DEUP1: variants seen among roughly 807,000 people sequenced by gnomAD.
DEUP1 encodes coiled-coil domain containing 67.
In DEUP1, 82 loss-of-function variants were observed where a neutral mutation model predicts 87.4. That is an observed-to-expected ratio of 0.94 (90% CI 0.78 to 1.13). DEUP1 has a LOEUF of 1.13. Ranked by LOEUF, DEUP1 falls within the 50% of genes most tolerant of loss-of-function variation. The probability of loss-of-function intolerance (pLI) is 0.00; values close to 1 mark genes in which losing one functional copy is unlikely to be tolerated. For synonymous variants in DEUP1, 214 were observed against 222.7 expected (o/e 0.96, Z 0.35); for missense variants, 663 against 681.5 (o/e 0.97, Z 0.30).
At chr11:93,364,125 A>G in intron 4 of DEUP1, 35 bp from the exon 5 acceptor site, 1 of 1,422,456 alleles carries the variant, frequency 7.0e-7, no homozygotes, top group Non-Finnish European at 9.7e-7. Flanking sequence ...AATAATTGGT[A>G]ATAGTAAAAT....
intron 7 of DEUP1, among the ~76,000 whole-genome samples, chr11:93,372,974 G>T (rs1423854705): frequency 6.6e-6 from 1 of 152,178 alleles, no homozygotes; most frequent in Non-Finnish European, 1.5e-5. Flanking sequence ...ATGCAGTGAT[G>T]GGGTCTTTCC....
In DEUP1 at chr11:93,355,507, A is replaced by G; in HGVS notation, c.166A>G (p.Asn56Asp). 2 of 1,613,836 alleles carry G rather than the reference A, an allele frequency of 1.2e-6. No individual in the cohort carries two copies. Among genetic ancestry groups the G allele is most frequent in the Non-Finnish European group, 1.7e-6 (2 of 1,179,802 alleles). ...RLDLRDQELA[N>D]AQTCLDQKGQ... The stretch of plus-strand genomic sequence containing the variant: ...AGATCTTCGGGATCAAGAATTGGCA[A>G]ATGCACAAACTTGTTTGGATCAGAA... Residue 56 changes from asparagine (N) to aspartate (D), a missense_variant, in exon 3 of 14, where the codon AAT becomes GAT. Asn to Asp is a conservative substitution (Grantham distance 23). Transcript: ENST00000298050.
chr11:93,428,313 G>C (rs1236136952), intron 13 of DEUP1, among the ~76,000 whole-genome samples: 2 of 152,044 alleles, frequency 1.3e-5, no homozygotes, highest in African/African-American at 2.4e-5. Flanking sequence ...GATGAAACTG[G>C]AAACCATCAT....
chr11:93,396,098 A>T (rs1946936403), intron 10 of DEUP1, 141 bp from the exon 11 acceptor site: 3 of 633,986 alleles, frequency 4.7e-6, no homozygotes, highest in Non-Finnish European at 2.8e-6. Flanking sequence ...AAATAAGAAT[A>T]CCTGAATGTT....
intron 5 of DEUP1, among the ~76,000 whole-genome samples, chr11:93,367,091 C>T (rs913724396): frequency 6.6e-6 from 1 of 152,108 alleles, no homozygotes; most frequent in Non-Finnish European, 1.5e-5. Context: ...CTCCATTTAT[C>T]ATAGTAAATA....
rs920603118 is a variant in DEUP1 at position 93,385,267 on chromosome 11, C to T, written c.790-131C>T. On this transcript the variant is annotated intron_variant, in intron 7 of 13. Coordinates refer to ENST00000298050, the MANE Select transcript of DEUP1 (RefSeq NM_181645.4). ...AATGAAGGAATGGAATTCTATGAGA[C>T]AGAACAAGCAAAGGACTAAATATCA... 2.6e-5 allele frequency: 21 copies of T among 820,756 alleles called. No individual in the cohort carries two copies. The Admixed American group carries it at 3.9e-4, about 15-fold the overall frequency. 50.8% of individuals were successfully genotyped at this position (820,756 alleles called of 1,614,324 possible). A position where few individuals can be genotyped will look rare whatever the true frequency, so the allele number is the denominator to read the frequency against.
intron 11 of DEUP1, among the ~76,000 whole-genome samples, chr11:93,405,577 C>T (rs1019574550): frequency 6.6e-6 from 1 of 151,942 alleles, no homozygotes; most frequent in East Asian, 1.9e-4. Flanking sequence ...ATTTACTAAA[C>T]CTCCATAATA....
Position 93,405,971 on chromosome 11 carries a change from A to G in DEUP1, c.1327-2260A>G, listed in dbSNP as rs539161125. Among the ~76,000 whole-genome samples, 24 of 152,102 alleles carry G rather than the reference A, an allele frequency of 1.6e-4. 1 individual carries two copies. In the South Asian group the frequency reaches 3.9e-3, roughly 25 times the overall value. On this transcript the variant is annotated intron_variant, in intron 11 of 13. Transcript: ENST00000298050. ...GAACTATTGTTTAAACAGCAGCTAC[A>G]CAACTCACGTATATTCGAATCTGAG...
rs75089661 is a variant in DEUP1, at chr11:93,333,748, C to G, written c.29+1460C>G. On this transcript the variant is annotated intron_variant, in intron 2 of 13. Transcript: ENST00000298050. ...TAGTAGAGAAAGTAGGATTTGAATT[C>G]AGGTATGCCTGGCTCCAATCCCTGT... Among the ~76,000 whole-genome samples the G allele has an allele frequency of 5.1e-3, 783 of 152,268 alleles. 6 individuals are homozygous for G. The highest frequency in any genetic ancestry group is 0.016 in the African/African-American group (682 of 41,552).
At chr11:93,430,514 T>G (rs1438645435) in intron 13 of DEUP1, among the ~76,000 whole-genome samples, 1 of 152,164 alleles carries the variant, frequency 6.6e-6, no homozygotes, top group Non-Finnish European at 1.5e-5. Flanking sequence ...ATTCCATGTA[T>G]ATGAAATAGC....
At chr11:93,407,313 G>T (rs920984525) in intron 11 of DEUP1, among the ~76,000 whole-genome samples, 1 of 152,030 alleles carries the variant, frequency 6.6e-6, no homozygotes, top group African/African-American at 2.4e-5. Context: ...ACTTATACAA[G>T]TTTGTAGCCT....
At chr11:93,365,594 C>G (rs1945375215) in intron 5 of DEUP1, among the ~76,000 whole-genome samples, 1 of 151,962 alleles carries the variant, frequency 6.6e-6, no homozygotes, top group African/African-American at 2.4e-5. Flanking sequence ...ACAAAAAAAG[C>G]CTTAAGTTAG....
At chr11:93,386,689 A>G (rs1348057668) in intron 8 of DEUP1, among the ~76,000 whole-genome samples, 1 of 152,192 alleles carries the variant, frequency 6.6e-6, no homozygotes, top group Admixed American at 6.5e-5. Context: ...CTCACCAAGG[A>G]TGGTGACAGA....
chr11:93,433,127 CATT>C (rs1365907201), intron 13 of DEUP1, among the ~76,000 whole-genome samples: 4 of 152,164 alleles, frequency 2.6e-5, no homozygotes, highest in African/African-American at 9.7e-5. Flanking sequence ...ACCTCAAACT[CATT>C]ATTATTCAAA....
intron 13 of DEUP1, among the ~76,000 whole-genome samples, chr11:93,417,389 GACAA>G (rs1947681925): frequency 1.3e-5 from 2 of 151,026 alleles, no homozygotes; most frequent in Admixed American, 6.6e-5. Context: ...ACCAATAACA[GACAA>G]ACAGAGAGCC....
At position 93,414,991 on chromosome 11, in the gene DEUP1, C is replaced by G. The variant is rs775279185; in HGVS notation, c.1524-9C>G. 2 of 1,445,538 alleles carry G rather than the reference C, an allele frequency of 1.4e-6. No homozygotes were observed. Among genetic ancestry groups the G allele is most frequent in the Admixed American group, 4.7e-5 (2 of 42,522 alleles). 89.5% of individuals were successfully genotyped at this position (1,445,538 alleles called of 1,614,324 possible). A position where few individuals can be genotyped will look rare whatever the true frequency, so the allele number is the denominator to read the frequency against. On this transcript the variant is annotated splice_polypyrimidine_tract_variant and intron_variant, in intron 12 of 13. Transcript: ENST00000298050. Reference sequence around the variant, plus strand: ...ATAGCAACAACAACAACCATTTCTTCTCTTTTAGACTTAGTCATGACTGTG... The same window carrying G: ...ATAGCAACAACAACAACCATTTCTTGTCTTTTAGACTTAGTCATGACTGTG...
At chr11:93,364,420 T>G (rs1448006078) in intron 5 of DEUP1, 126 bp downstream of exon 5, 1 of 776,260 alleles carries the variant, frequency 1.3e-6, no homozygotes, top group Non-Finnish European at 2.1e-6. Flanking sequence ...ACAAACTAAC[T>G]TCTCACTGAA....
At chr11:93,419,372 A>T (rs2134465776) in intron 13 of DEUP1, among the ~76,000 whole-genome samples, 1 of 152,296 alleles carries the variant, frequency 6.6e-6, no homozygotes, top group Middle Eastern at 3.4e-3. Context: ...ACTTTGTATG[A>T]TAGCATCAAG....
At chr11:93,352,067 T>G (rs78369669) in intron 2 of DEUP1, among the ~76,000 whole-genome samples, 12,749 of 152,214 alleles carry the variant, frequency 0.084, 1,359 homozygotes, top group African/African-American at 0.25. Context: ...ATTAATTAGC[T>G]GTGTGATCTT....
Sources: allele counts gnomAD v4.1 joint callset (sites outside exome capture counted in the v4.1 genomes callset), GRCh38; gene constraint gnomAD v4.1.1; transcripts MANE v1.5; gene names NCBI Gene and HGNC (gene_info 2026-07-23, HGNC 2026-07-21).